Variants in SUCLG2 observed in about 807,000 individuals in gnomAD.
The protein encoded by SUCLG2 is succinate-CoA ligase GDP-forming subunit beta, also known as succinate--CoA ligase [GDP-forming] subunit beta, mitochondrial.
Under a neutral mutation model 47.9 loss-of-function variants are expected in SUCLG2, and 42 were observed. The observed-to-expected ratio is 0.88, with a 90% CI of 0.69 to 1.14. The LOEUF (loss-of-function observed/expected upper bound fraction) is 1.14. Among genes scored for constraint, SUCLG2 ranks in the 50% most tolerant of loss-of-function variants. The pLI, the probability that SUCLG2 is intolerant of heterozygous loss-of-function variation, is 0.00. For missense variants in SUCLG2, 571 were observed against 525.9 expected, an observed-to-expected ratio of 1.09 and a Z score of -0.84; for synonymous variants, 195 against 197.3, an observed-to-expected ratio of 0.99 and a Z score of 0.10.
chr3:67,637,939 C>A (rs1235001209), intron 1 of SUCLG2, among the ~76,000 whole-genome samples: 2 of 152,158 alleles, frequency 1.3e-5, no homozygotes, highest in Non-Finnish European at 2.9e-5. Flanking sequence ...AAAGAGTGAA[C>A]AGAGGGAGAT....
At chr3:67,548,843 C>T (rs1190209244) in intron 2 of SUCLG2, among the ~76,000 whole-genome samples, 1 of 152,108 alleles carries the variant, frequency 6.6e-6, no homozygotes, top group Non-Finnish European at 1.5e-5. Flanking sequence ...AATGCCTGGC[C>T]TACAAGAGGC....
At position 67,508,797 on chromosome 3, in the gene SUCLG2, T is replaced by C; in HGVS notation, c.757+10A>G. 2.5e-6 allele frequency: 4 copies of C among 1,573,900 alleles called. No homozygotes were observed. Among genetic ancestry groups the C allele is most frequent in the Non-Finnish European group, 3.4e-6 (4 of 1,159,724 alleles). ...ATTCATTTGTTTTCTCAATTCTTTT[T>C]TTTTTTTACCTTGTCCTTCTGGAGT... On this transcript the variant is annotated intron_variant, in intron 7 of 10. Transcript: ENST00000307227.
At chr3:67,642,920 G>C (rs1360734503) in intron 1 of SUCLG2, among the ~76,000 whole-genome samples, 2 of 77,590 alleles carry the variant, frequency 2.6e-5, no homozygotes, top group East Asian at 8.1e-4. Context: ...AAAGGACTCT[G>C]TGTGTGTGTG....
intron 2 of SUCLG2, among the ~76,000 whole-genome samples, chr3:67,574,712 G>A (rs922622635): frequency 2.0e-5 from 3 of 152,116 alleles, no homozygotes; most frequent in Non-Finnish European, 2.9e-5. Flanking sequence ...TTAGTAAGTT[G>A]GACTTTGTTA....
intron 2 of SUCLG2, among the ~76,000 whole-genome samples, chr3:67,596,090 T>A (rs1457137928): frequency 6.6e-6 from 1 of 152,220 alleles, no homozygotes; most frequent in Non-Finnish European, 1.5e-5. Flanking sequence ...CTCCTTAGTT[T>A]GATGAACTCT....
At chr3:67,431,292 G>A (rs1472091695) in intron 9 of SUCLG2, among the ~76,000 whole-genome samples, 1 of 152,096 alleles carries the variant, frequency 6.6e-6, no homozygotes, top group African/African-American at 2.4e-5. Flanking sequence ...TGCAAGGCTG[G>A]TTCAACATAT....
chr3:67,530,905 A>G (rs974319260), intron 2 of SUCLG2, among the ~76,000 whole-genome samples: 1 of 152,212 alleles, frequency 6.6e-6, no homozygotes, highest in East Asian at 1.9e-4. Context: ...AATACATTGC[A>G]TATTTAGCTT....
At chr3:67,366,811 T>C (rs149008577) in intron 10 of SUCLG2, among the ~76,000 whole-genome samples, 54 of 152,304 alleles carry the variant, frequency 3.5e-4, no homozygotes, top group African/African-American at 1.2e-3. Flanking sequence ...AGTTCTGCCA[T>C]GTTGCCTTTA....
chr3:67,604,505 C>T (rs542009453), intron 2 of SUCLG2, among the ~76,000 whole-genome samples: 2 of 152,264 alleles, frequency 1.3e-5, no homozygotes, highest in East Asian at 1.9e-4. Context: ...TCTACAATCT[C>T]GGCATGTTTT....
At chr3:67,650,677 T>A (rs1156879780) in intron 1 of SUCLG2, among the ~76,000 whole-genome samples, 1 of 151,918 alleles carries the variant, frequency 6.6e-6, no homozygotes, top group Non-Finnish European at 1.5e-5. Flanking sequence ...GAATCGCTTG[T>A]ACCCAGGAGG....
At chr3:67,499,698 T>C (rs995507929) in intron 7 of SUCLG2, among the ~76,000 whole-genome samples, 4 of 152,072 alleles carry the variant, frequency 2.6e-5, no homozygotes, top group Non-Finnish European at 5.9e-5. Flanking sequence ...TGATGCCATG[T>C]CATCATAATG....
chr3:67,482,487 A>G (rs919903402), intron 9 of SUCLG2, among the ~76,000 whole-genome samples: 3 of 152,030 alleles, frequency 2.0e-5, no homozygotes, highest in Admixed American at 2.0e-4. Context: ...TTTTTACTTT[A>G]GCTTCATTCA....
At chr3:67,559,993 C>A (rs1376338426) in intron 2 of SUCLG2, among the ~76,000 whole-genome samples, 1 of 152,088 alleles carries the variant, frequency 6.6e-6, no homozygotes, top group African/African-American at 2.4e-5. Context: ...TATGGGAACT[C>A]TGTACCTTCC....
chr3:67,526,391 G>A (rs905188929), intron 4 of SUCLG2, among the ~76,000 whole-genome samples: 40 of 152,196 alleles, frequency 2.6e-4, no homozygotes, highest in African/African-American at 7.5e-4. Context: ...CCTGTGGGCC[G>A]TGGGTTGGAC....
chr3:67,529,085 A>G lies in SUCLG2; in HGVS notation c.326+2T>C. 1 of 1,605,954 alleles carries G rather than the reference A, an allele frequency of 6.2e-7. No individual in the cohort carries two copies. The highest frequency in any genetic ancestry group is 1.1e-5 in the South Asian group (1 of 89,554). Reference sequence around the variant, plus strand: ...ACAAGGAATAACAACCTCCAGACTTACTCTTTTGTTAAATGAACACCTCCT... The same window carrying G: ...ACAAGGAATAACAACCTCCAGACTTGCTCTTTTGTTAAATGAACACCTCCT... On this transcript the variant is annotated splice_donor_variant, in intron 3 of 10. Transcript: ENST00000307227. LOFTEE classifies it high-confidence loss of function.
At chr3:67,412,749 C>T (rs189323689) in intron 9 of SUCLG2, among the ~76,000 whole-genome samples, 1 of 152,200 alleles carries the variant, frequency 6.6e-6, no homozygotes, top group African/African-American at 2.4e-5. Context: ...AGCGATCCCA[C>T]GCTGCCAGCC....
intron 1 of SUCLG2, among the ~76,000 whole-genome samples, chr3:67,619,282 G>A (rs1700688509): frequency 6.6e-6 from 1 of 152,194 alleles, no homozygotes; most frequent in African/African-American, 2.4e-5. Flanking sequence ...TCCAATTAAA[G>A]GAAGATACCA....
At position 67,459,566 on chromosome 3, in the gene SUCLG2, A is replaced by G. The variant is rs886659966; in HGVS notation, c.1062+36232T>C. Among the ~76,000 whole-genome samples the G allele has an allele frequency of 3.0e-4, 45 of 152,228 alleles. 1 individual carries two copies. Among genetic ancestry groups the G allele is most frequent in the Admixed American group, 2.8e-3 (43 of 15,290 alleles). ...GTTTGTTTATTTGTGATATAATGAA[A>G]AAGAAATTTACCAGGGAAGAACAGA... On this transcript the variant is annotated intron_variant, in intron 9 of 10. Transcript: ENST00000307227.
At chr3:67,618,030 A>C (rs895358856) in intron 1 of SUCLG2, among the ~76,000 whole-genome samples, 4 of 152,232 alleles carry the variant, frequency 2.6e-5, no homozygotes, top group Non-Finnish European at 4.4e-5. Context: ...CTAATCATGG[A>C]ATTTCTATAC....
Sources: gnomAD v4.1 joint callset for allele counts (sites outside exome capture counted in the v4.1 genomes callset) on GRCh38, gnomAD v4.1.1 for gene constraint, MANE v1.5 for transcripts, NCBI Gene and HGNC (gene_info 2026-07-23, HGNC 2026-07-21) for gene names.